The following DOCK10 variants were observed in gnomAD, a reference collection of about 807,000 sequenced individuals.
DOCK10 encodes dedicator of cytokinesis 10.
A neutral mutation model predicts 280.1 loss-of-function variants in DOCK10; 145 were observed. That is an observed-to-expected ratio of 0.52 (90% CI 0.45 to 0.59). DOCK10 has a LOEUF of 0.59. Among genes scored for constraint, DOCK10 ranks in the 20% least tolerant of loss-of-function variants. The pLI, the probability that DOCK10 is intolerant of heterozygous loss-of-function variation, is 0.00. For missense variants in DOCK10, 2,368 were observed against 2,651.7 expected (o/e 0.89, Z 2.35); for synonymous variants, 915 against 942.2 (o/e 0.97, Z 0.53).
chr2:224,942,708 T>G (rs182196316), intron 1 of DOCK10, among the ~76,000 whole-genome samples: 1 of 151,214 alleles, frequency 6.6e-6, no homozygotes, highest in African/African-American at 2.5e-5. Flanking sequence ...ATTAGAGATA[T>G]GTTAAAGCTA....
intron 1 of DOCK10, among the ~76,000 whole-genome samples, chr2:225,015,454 T>C (rs1689563722): frequency 1.3e-5 from 2 of 152,302 alleles, no homozygotes; most frequent in East Asian, 1.9e-4. Context: ...CTGGGTACTT[T>C]CCTTAGCATA....
chr2:224,964,104 A>C (rs10210032), intron 1 of DOCK10, among the ~76,000 whole-genome samples: 41,205 of 151,310 alleles, frequency 0.27, 5,633 homozygotes, highest in Admixed American at 0.29. Context: ...CAGGATGCGG[A>C]GGGTGTTAGC....
chr2:225,005,701 T>G (rs1575161046), intron 1 of DOCK10, among the ~76,000 whole-genome samples: 1 of 152,236 alleles, frequency 6.6e-6, no homozygotes, highest in South Asian at 2.1e-4. Context: ...CCAAAGTTTC[T>G]AAGCCCAAGC....
Position 224,921,112 on chromosome 2 carries a change from AATAT to A in DOCK10, c.244-4332_244-4329del, listed in dbSNP as rs1201609470. ...TCTATTAAAAAAAAAAAAAAAAAAA[AATAT>A]ATATATATATATATATATAATGTAT... On this transcript the variant is annotated intron_variant, in intron 2 of 55. Transcript: ENST00000258390. Among the ~76,000 whole-genome samples, 70 of 54,412 alleles carry A rather than the reference AATAT, an allele frequency of 1.3e-3. 5 individuals are homozygous for A. The highest frequency in any genetic ancestry group is 0.01 in the African/African-American group (64 of 6,366). 35.7% of individuals were successfully genotyped at this position (54,412 alleles called of 152,430 possible). A position where few individuals can be genotyped will look rare whatever the true frequency, so the allele number is the denominator to read the frequency against.
rs1367755639 is a variant in DOCK10, at chr2:224,765,758, A to G, written c.6524T>C (p.Leu2175Pro). Reference protein sequence around the residue: ...TRVISKATPALPTVSISSSAE... With the variant: ...TRVISKATPAPPTVSISSSAE... ...ACTAGATGAGATGGAGACCGTGGGT[A>G]GGGCCGGAGTTGCTTTGCTAATTAC... The change falls in exon 56 of 56, where the codon CTA becomes CCA. Residue 2175 changes from leucine (L) to proline (P), a missense_variant. By Grantham distance (98) the Leu-to-Pro change is moderately conservative (BLOSUM62 -3). Transcript: ENST00000258390. 1.9e-6 allele frequency: 3 copies of G among 1,613,794 alleles called. No homozygotes were observed. In the Admixed American group the frequency reaches 5.0e-5, roughly 27 times the overall value.
chr2:224,927,294 G>T (rs1188746973), intron 2 of DOCK10, among the ~76,000 whole-genome samples: 2 of 152,178 alleles, frequency 1.3e-5, no homozygotes, highest in Non-Finnish European at 2.9e-5. Flanking sequence ...GATGACAGGG[G>T]TTATGGGAGG....
At position 224,841,801 on chromosome 2, in the gene DOCK10, T is replaced by C. The variant is rs1271099619; in HGVS notation, c.2661+3A>G. The C allele has an allele frequency of 6.3e-7, 1 of 1,599,902 alleles. No homozygotes were observed. The highest frequency in any genetic ancestry group is 1.3e-5 in the African/African-American group (1 of 74,790). On this transcript the variant is annotated splice_donor_region_variant and intron_variant, in intron 23 of 55. Transcript: ENST00000258390. The stretch of plus-strand genomic sequence containing the variant: ...CACTGAAACTGCTTGCATGTCATGT[T>C]ACCTTACAAGAGCGGATGAAATTTG...
chr2:224,929,789 C>T (rs906475535), intron 2 of DOCK10, among the ~76,000 whole-genome samples: 1 of 152,142 alleles, frequency 6.6e-6, no homozygotes, highest in African/African-American at 2.4e-5. Context: ...CTACCTGCAT[C>T]CTCCACTCTC....
At chr2:224,810,663 T>C (rs1157627653) in intron 31 of DOCK10, among the ~76,000 whole-genome samples, 1 of 118,130 alleles carries the variant, frequency 8.5e-6, no homozygotes, top group East Asian at 2.7e-4. Context: ...GTCCCCAGAG[T>C]GTGATGTTCC....
intron 1 of DOCK10, among the ~76,000 whole-genome samples, chr2:225,012,663 T>C (rs144039033): frequency 1.3e-5 from 2 of 152,354 alleles, no homozygotes; most frequent in Non-Finnish European, 2.9e-5. Context: ...TTGCAAAGCA[T>C]TTATCTCATT....
At chr2:224,928,747 A>C (rs914758385) in intron 2 of DOCK10, among the ~76,000 whole-genome samples, 1 of 152,234 alleles carries the variant, frequency 6.6e-6, no homozygotes, top group Non-Finnish European at 1.5e-5. Flanking sequence ...TCTCTTGGGC[A>C]GAGATTAATT....
intron 4 of DOCK10, among the ~76,000 whole-genome samples, chr2:224,894,825 C>T (rs1449873739): frequency 3.3e-5 from 5 of 152,178 alleles, no homozygotes; most frequent in African/African-American, 1.2e-4. Flanking sequence ...CTTCGATTGC[C>T]ACCCCTGCAG....
At chr2:224,971,773 C>T (rs747047648) in intron 1 of DOCK10, among the ~76,000 whole-genome samples, 4 of 151,880 alleles carry the variant, frequency 2.6e-5, no homozygotes, top group Non-Finnish European at 1.5e-5. Flanking sequence ...AATCTGAATA[C>T]TGAACAAATA....
chr2:224,802,038 ATCCTG>A lies in DOCK10; in HGVS notation c.4269-3_4270del. 1 of 1,611,674 alleles carries A rather than the reference ATCCTG, an allele frequency of 6.2e-7. No individual in the cohort carries two copies. The highest frequency in any genetic ancestry group is 1.7e-5 in the Admixed American group (1 of 59,688). ...GCCTTCATGACTGGAAGTGGAGTGC[ATCCTG>A]AAAACAAAAAAAGAAAAGTGGTTAG... is the stretch of plus-strand genomic sequence containing the variant. On this transcript the variant is annotated splice_acceptor_variant and splice_polypyrimidine_tract_variant and coding_sequence_variant and intron_variant, in exon 40 of 56. Coordinates refer to ENST00000258390, the MANE Select transcript of DOCK10 (RefSeq NM_014689.3). LOFTEE classifies it high-confidence loss of function.
At chr2:225,006,292 C>A (rs1689246161) in intron 1 of DOCK10, among the ~76,000 whole-genome samples, 1 of 152,166 alleles carries the variant, frequency 6.6e-6, no homozygotes, top group Admixed American at 6.5e-5. Context: ...TAAGCTTACA[C>A]ATTTACTTAT....
intron 2 of DOCK10, among the ~76,000 whole-genome samples, chr2:224,921,112 A>ATATATATATATATATATAT (rs1553613961): frequency 1.1e-4 from 6 of 54,410 alleles, no homozygotes; most frequent in Admixed American, 5.7e-4. Context: ...AAAAAAAAAA[A>ATATATATATATATATATAT]ATATATATAT....
chr2:224,928,591 C>G (rs1055093156), intron 2 of DOCK10, among the ~76,000 whole-genome samples: 6 of 152,158 alleles, frequency 3.9e-5, no homozygotes, highest in African/African-American at 1.4e-4. Context: ...GGAACAATCT[C>G]CACTATTATT....
intron 3 of DOCK10, among the ~76,000 whole-genome samples, chr2:224,898,705 T>C (rs1365712207): frequency 6.6e-6 from 1 of 152,058 alleles, no homozygotes; most frequent in Non-Finnish European, 1.5e-5. Context: ...GCCTCCGGAG[T>C]AGCCAGGACT....
At chr2:225,029,430 C>A (rs952634528) in intron 1 of DOCK10, among the ~76,000 whole-genome samples, 6 of 152,160 alleles carry the variant, frequency 3.9e-5, no homozygotes, top group African/African-American at 1.4e-4. Context: ...CCTCGGCCTC[C>A]CATAGTGCTG....
Sources: allele counts gnomAD v4.1 joint callset (sites outside exome capture counted in the v4.1 genomes callset), GRCh38; gene constraint gnomAD v4.1.1; transcripts MANE v1.5; gene names NCBI Gene and HGNC (gene_info 2026-07-23, HGNC 2026-07-21).